The following CXCL13 variants were observed in gnomAD, a reference collection of about 807,000 sequenced individuals.
CXCL13 encodes C-X-C motif chemokine 13.
CXCL13 carries 7 observed loss-of-function variants against 12.2 expected under a neutral mutation model. The observed-to-expected ratio is 0.57, with a 90% CI of 0.33 to 1.07. CXCL13 has a LOEUF of 1.07. CXCL13 is among the 50% of genes least tolerant of loss of function. CXCL13 has a pLI of 0.04. For synonymous variants in CXCL13, 47 were observed against 42.4 expected (o/e 1.11, Z -0.42); for missense variants, 113 against 127.4 (o/e 0.89, Z 0.55).
intron 1 of CXCL13, among the ~76,000 whole-genome samples, chr4:77,554,325 TA>T (rs1461198629): frequency 6.6e-6 from 1 of 152,114 alleles, no homozygotes; most frequent in African/African-American, 2.4e-5. Context: ...TTAAGAAAAC[TA>T]GAGTGATGTT....
intron 1 of CXCL13, among the ~76,000 whole-genome samples, chr4:77,549,532 C>G (rs910950635): frequency 2.0e-5 from 3 of 152,124 alleles, no homozygotes; most frequent in Non-Finnish European, 4.4e-5. Flanking sequence ...TGTGGATGTT[C>G]TTTTGTTGAT....
At chr4:77,545,923 T>C (rs1725350642) in intron 1 of CXCL13, among the ~76,000 whole-genome samples, 2 of 152,188 alleles carry the variant, frequency 1.3e-5, no homozygotes, top group Admixed American at 6.6e-5. Context: ...ATACATCCCA[T>C]CAGTACCTAG....
At chr4:77,551,647 A>G (rs905951165) in intron 1 of CXCL13, among the ~76,000 whole-genome samples, 5 of 152,214 alleles carry the variant, frequency 3.3e-5, no homozygotes, top group Non-Finnish European at 7.3e-5. Context: ...CTCTCTAGCA[A>G]GATAAGGGAA....
intron 1 of CXCL13, among the ~76,000 whole-genome samples, chr4:77,572,058 C>T (rs948717211): frequency 7.9e-5 from 12 of 151,870 alleles, no homozygotes; most frequent in East Asian, 5.8e-4. Context: ...ACTCCAGACG[C>T]GCCACATTAA....
intron 1 of CXCL13, among the ~76,000 whole-genome samples, chr4:77,530,147 G>A (rs951082114): frequency 6.6e-6 from 1 of 152,152 alleles, no homozygotes; most frequent in Non-Finnish European, 1.5e-5. Context: ...TGGTGGATAA[G>A]CTTCTTGATG....
chr4:77,536,853 A>G (rs1293160499), intron 1 of CXCL13, among the ~76,000 whole-genome samples: 1 of 152,140 alleles, frequency 6.6e-6, no homozygotes, highest in African/African-American at 2.4e-5. Flanking sequence ...GAGTGAGTAC[A>G]GTAGGTAAGA....
At chr4:77,553,615 T>C (rs959626889) in intron 1 of CXCL13, among the ~76,000 whole-genome samples, 3 of 152,186 alleles carry the variant, frequency 2.0e-5, no homozygotes, top group Non-Finnish European at 4.4e-5. Context: ...CTTCACTCAC[T>C]TTAATCAGCC....
At chr4:77,529,210 C>G (rs561637805) in intron 1 of CXCL13, among the ~76,000 whole-genome samples, 3 of 152,064 alleles carry the variant, frequency 2.0e-5, no homozygotes, top group Non-Finnish European at 4.4e-5. Flanking sequence ...GGTCAGGTAG[C>G]GTGATGCCTC....
chr4:77,573,388 G>T (rs1379105374), intron 1 of CXCL13, among the ~76,000 whole-genome samples: 1 of 150,206 alleles, frequency 6.7e-6, no homozygotes, highest in Non-Finnish European at 1.5e-5. Flanking sequence ...GTGTGTGTGT[G>T]TGTGTGTGTG....
At chr4:77,528,127 G>A (rs1199873019) in intron 1 of CXCL13, among the ~76,000 whole-genome samples, 7 of 152,190 alleles carry the variant, frequency 4.6e-5, no homozygotes, top group Admixed American at 3.3e-4. Flanking sequence ...TTTCATGGCT[G>A]CATAGTATTC....
chr4:77,515,021 A>T (rs1198842647), intron 1 of CXCL13, among the ~76,000 whole-genome samples: 2 of 152,134 alleles, frequency 1.3e-5, no homozygotes, highest in African/African-American at 4.8e-5. Context: ...AGCTTTCTAC[A>T]TATGGCTAGC....
At chr4:77,578,338 T>G (rs1459173847) in intron 1 of CXCL13, among the ~76,000 whole-genome samples, 1 of 152,196 alleles carries the variant, frequency 6.6e-6, no homozygotes, top group Non-Finnish European at 1.5e-5. Flanking sequence ...CTGAGGGAGC[T>G]CTGACTTCTG....
At chr4:77,515,412 C>T (rs547151546) in intron 1 of CXCL13, among the ~76,000 whole-genome samples, 1 of 152,228 alleles carries the variant, frequency 6.6e-6, no homozygotes, top group East Asian at 1.9e-4. Flanking sequence ...TGGCCATTTT[C>T]ACGATATTGA....
chr4:77,604,154 G>A (rs1218410992), upstream of CXCL13, among the ~76,000 whole-genome samples: 2 of 152,182 alleles, frequency 1.3e-5, no homozygotes, highest in African/African-American at 4.8e-5. Flanking sequence ...TTCAACCAGA[G>A]ACCATGTTGT....
At chr4:77,563,903 T>C (rs1222946924) in intron 1 of CXCL13, among the ~76,000 whole-genome samples, 2 of 152,202 alleles carry the variant, frequency 1.3e-5, no homozygotes, top group Admixed American at 1.3e-4. Flanking sequence ...ACTCGTTGTG[T>C]AAATGAAGTA....
chr4:77,517,297 G>A (rs1724448279), intron 1 of CXCL13, among the ~76,000 whole-genome samples: 1 of 152,198 alleles, frequency 6.6e-6, no homozygotes, highest in Admixed American at 6.5e-5. Context: ...ATTTGAGGTG[G>A]AGAGTTCTGT....
intron 1 of CXCL13, among the ~76,000 whole-genome samples, chr4:77,563,231 A>G (rs3098854): frequency 0.24 from 36,247 of 151,900 alleles, 4,477 homozygotes; most frequent in East Asian, 0.36. Context: ...TCATTCTTGA[A>G]GTCAGTGAGA....
chr4:77,563,703 T>G (rs1725865434), intron 1 of CXCL13, among the ~76,000 whole-genome samples: 1 of 152,232 alleles, frequency 6.6e-6, no homozygotes, highest in South Asian at 2.1e-4. Context: ...TGACGTTTAT[T>G]AAAATGAAGA....
chr4:77,578,733 ATCTTTCC>A (rs1726249921), intron 1 of CXCL13, among the ~76,000 whole-genome samples: 1 of 152,084 alleles, frequency 6.6e-6, no homozygotes, highest in Non-Finnish European at 1.5e-5. Flanking sequence ...CATGTGCCTA[ATCTTTCC>A]TGGTTGTGTG....
Sources: allele counts gnomAD v4.1 joint callset (sites outside exome capture counted in the v4.1 genomes callset), GRCh38; gene constraint gnomAD v4.1.1; transcripts MANE v1.5; gene names NCBI Gene and HGNC (gene_info 2026-07-23, HGNC 2026-07-21).